ADGRV1: variants seen among roughly 807,000 people sequenced by gnomAD.
ADGRV1 encodes adhesion G protein-coupled receptor V1.
ADGRV1 carries 359 observed loss-of-function variants against 596.2 expected under a neutral mutation model. That is an observed-to-expected ratio of 0.60 (90% CI 0.55 to 0.66). The LOEUF (loss-of-function observed/expected upper bound fraction) is 0.66, where lower values mean the gene tolerates loss of function less well. ADGRV1 is among the 30% of genes least tolerant of loss of function. The probability of loss-of-function intolerance (pLI) is 0.00; values close to 1 mark genes in which losing one functional copy is unlikely to be tolerated. For synonymous variants in ADGRV1, 2,681 were observed against 2,679.2 expected, an observed-to-expected ratio of 1.00 and a Z score of -0.02; for missense variants, 7,274 against 7,575.6, an observed-to-expected ratio of 0.96 and a Z score of 1.48.
At chr5:91,131,658 G>T (rs1052191909) in intron 87 of ADGRV1, among the ~76,000 whole-genome samples, 2 of 151,874 alleles carry the variant, frequency 1.3e-5, no homozygotes, top group African/African-American at 2.4e-5. Flanking sequence ...TTTTTCTGTT[G>T]ATTTGTTTAA....
In ADGRV1 at chr5:90,696,964, C is replaced by A; in HGVS notation, c.7973C>A (p.Thr2658Asn). ...GAAACCAAAAAGACAGTCATTTTAA[C>A]CATCTTGGATGACTCTGAACCAGAG... The part of the protein sequence containing the change: ...EGETKKTVIL[T>N]ILDDSEPEDD... The change falls in exon 34 of 90, where the codon ACC (threonine) becomes AAC (asparagine). Residue 2658 changes from threonine (T) to asparagine (N), a missense_variant. Around this residue, in one of 5 missense-constraint regions of ADGRV1, gnomAD observed 3,643 missense variants for 3,809.2 expected, o/e 0.96. Coordinates refer to ENST00000405460, the MANE Select transcript of ADGRV1 (RefSeq NM_032119.4). 2 of 1,610,654 alleles carry A rather than the reference C, an allele frequency of 1.2e-6. No homozygotes were observed. The highest frequency in any genetic ancestry group is 2.2e-5 in the South Asian group (2 of 90,484).
At chr5:90,660,424 T>C (rs916900342) in intron 21 of ADGRV1, among the ~76,000 whole-genome samples, 1 of 152,240 alleles carries the variant, frequency 6.6e-6, no homozygotes, top group African/African-American at 2.4e-5. Context: ...AATTATCTTC[T>C]GAGTTCAAAT....
At chr5:91,007,990 T>A (rs1782418414) in intron 85 of ADGRV1, among the ~76,000 whole-genome samples, 1 of 152,216 alleles carries the variant, frequency 6.6e-6, no homozygotes, top group East Asian at 1.9e-4. Flanking sequence ...GTTATTATTC[T>A]ATGTTATTCT....
chr5:90,667,586 C>T (rs1343829837), intron 21 of ADGRV1, among the ~76,000 whole-genome samples: 8 of 149,854 alleles, frequency 5.3e-5, no homozygotes, highest in Non-Finnish European at 1.0e-4. Flanking sequence ...GTAATTTGAT[C>T]GTCTGAAGCC....
intron 85 of ADGRV1, among the ~76,000 whole-genome samples, chr5:91,049,684 T>A (rs2151302650): frequency 6.6e-6 from 1 of 152,294 alleles, no homozygotes; most frequent in Non-Finnish European, 1.5e-5. Flanking sequence ...TGAAATGAAT[T>A]TTCATAAGAA....
chr5:90,972,511 C>A (rs1052544593), intron 84 of ADGRV1, among the ~76,000 whole-genome samples: 1 of 152,098 alleles, frequency 6.6e-6, no homozygotes, highest in African/African-American at 2.4e-5. Flanking sequence ...TCTCTCAGAC[C>A]ACAGTGCAAT....
At chr5:90,683,468 T>A in intron 27 of ADGRV1, 118 bp from the exon 28 acceptor site, 1 of 796,546 alleles carries the variant, frequency 1.3e-6, no homozygotes, top group East Asian at 2.7e-5. Context: ...AGTCTTGTAG[T>A]CTGGAGAAGA....
Position 90,649,461 on chromosome 5 carries a change from A to G in ADGRV1, c.3289+1697A>G, listed in dbSNP as rs1234013058. Among the ~76,000 whole-genome samples the G allele has an allele frequency of 2.6e-5, 4 of 152,078 alleles. No homozygotes were observed. The East Asian group carries it at 5.8e-4, about 22-fold the overall frequency. On this transcript the variant is annotated intron_variant, in intron 17 of 89. Transcript: ENST00000405460. ...ATAGTGAATGAATCAAAACATCCTG[A>G]ACCTTTTGTAAAGAGTAGGGGAACT...
Position 90,653,343 on chromosome 5 carries a change from G to A in ADGRV1, c.3769G>A (p.Val1257Ile), listed in dbSNP as rs1326438481. 5 of 1,613,808 alleles carry A rather than the reference G, an allele frequency of 3.1e-6. No homozygotes were observed. The highest frequency in any genetic ancestry group is 1.1e-5 in the South Asian group (1 of 91,084). ...ECLEREVAEDVLSEDDMSYIT... is the reference protein window; with the variant it reads ...ECLEREVAEDILSEDDMSYIT... Reference sequence around the variant, plus strand: ...TTTAGAGAGAGAAGTGGCAGAAGATGTCCTGTCTGAAGATGATATGTCTTA... The same window carrying A: ...TTTAGAGAGAGAAGTGGCAGAAGATATCCTGTCTGAAGATGATATGTCTTA... Residue 1257 changes from valine (V) to isoleucine (I), a missense_variant, in exon 20 of 90, where the codon GTC becomes ATC. Physicochemically the swap from Val to Ile is conservative, Grantham distance 29. This residue lies in a region of ADGRV1 where 1,715 missense variants were observed against 1,708.8 expected (regional missense o/e 1.00). Transcript: ENST00000405460.
intron 43 of ADGRV1, 101 bp downstream of exon 43, chr5:90,716,830 A>G (rs1750172771): frequency 1.2e-6 from 1 of 816,836 alleles, no homozygotes; most frequent in Non-Finnish European, 1.9e-6. Flanking sequence ...AAAAAACAAT[A>G]CTTCCAGCTT....
At chr5:91,108,795 C>T (rs1792116768) in intron 87 of ADGRV1, among the ~76,000 whole-genome samples, 1 of 152,040 alleles carries the variant, frequency 6.6e-6, no homozygotes. Flanking sequence ...CAAGGTTTCA[C>T]TATGTTGCCT....
Position 90,853,311 on chromosome 5 carries a change from A to G in ADGRV1, c.17232A>G (p.Pro5744=), listed in dbSNP as rs1276430225. The change falls in exon 80 of 90, where the codon CCA becomes CCG. Residue 5744 remains proline (P), a synonymous_variant. Coordinates refer to ENST00000405460, the MANE Select transcript of ADGRV1 (RefSeq NM_032119.4). ...GCAAAACCATCCTTGATAGTTGCCC[A>G]TATTTGTCAATATTGGCTCTTCACT... The part of the protein sequence containing the change: ...EKSKTILDSC[P]YLSILALHWY... The G allele has an allele frequency of 5.6e-6, 9 of 1,610,694 alleles. No homozygotes were observed. The highest frequency in any genetic ancestry group is 1.3e-5 in the African/African-American group (1 of 74,950).
rs762868187 is a variant in ADGRV1, at chr5:90,627,541, C to T, written c.1003C>T (p.Pro335Ser). 3.1e-6 allele frequency: 5 copies of T among 1,613,684 alleles called. No individual in the cohort carries two copies. Among genetic ancestry groups the T allele is most frequent in the Non-Finnish European group, 3.4e-6 (4 of 1,179,760 alleles). ...LQPNTTVVFP[P>S]FIHESHLKFQ... ...GCCAAACACAACTGTTGTTTTTCCACCTTTTATTCATGAATCTCACTTGAA... is the reference window on the plus strand; with the variant it reads ...GCCAAACACAACTGTTGTTTTTCCATCTTTTATTCATGAATCTCACTTGAA... Residue 335 changes from proline (P) to serine (S), a missense_variant, in exon 7 of 90, where the codon CCT becomes TCT. Coordinates refer to ENST00000405460, the MANE Select transcript of ADGRV1 (RefSeq NM_032119.4).
intron 87 of ADGRV1, among the ~76,000 whole-genome samples, chr5:91,121,834 G>C (rs957771997): frequency 5.3e-5 from 8 of 152,182 alleles, no homozygotes; most frequent in African/African-American, 1.7e-4. Flanking sequence ...TTTGTGTCTG[G>C]AAAGAGTTGA....
At chr5:90,611,075 A>G (rs1014243239) in intron 1 of ADGRV1, among the ~76,000 whole-genome samples, 1 of 151,748 alleles carries the variant, frequency 6.6e-6, no homozygotes, top group Non-Finnish European at 1.5e-5. Flanking sequence ...GCCAAGGAAC[A>G]TATTTTAAGT....
intron 83 of ADGRV1, among the ~76,000 whole-genome samples, chr5:90,864,851 CTA>C (rs1459149133): frequency 6.6e-6 from 1 of 152,062 alleles, no homozygotes; most frequent in Non-Finnish European, 1.5e-5. Context: ...AGACAATACT[CTA>C]TTGATTGGGT....
chr5:90,720,174 C>T lies in ADGRV1; in HGVS notation c.9574C>T (p.Gln3192Ter). Reference protein sequence around the residue: ...VHVQTLITVLQNQAPLGLFSI... With the variant: ...VHVQTLITVL Reference sequence around the variant, plus strand: ...TGTTCAAACCCTGATAACAGTTTTGCAAAACCAGGCCCCTTTGGGGCTATT... The same window carrying T: ...TGTTCAAACCCTGATAACAGTTTTGTAAAACCAGGCCCCTTTGGGGCTATT... The change falls in exon 44 of 90, where the codon CAA becomes TAA. Residue 3192 changes from glutamine (Q) to a stop codon, truncating the protein, a stop_gained. Coordinates refer to ENST00000405460, the MANE Select transcript of ADGRV1 (RefSeq NM_032119.4). LOFTEE classifies it high-confidence loss of function. 6.2e-7 allele frequency: 1 copy of T among 1,607,942 alleles called. No individual in the cohort carries two copies. The highest frequency in any genetic ancestry group is 8.5e-7 in the Non-Finnish European group (1 of 1,177,192).
chr5:90,787,486 A>G (rs1759577236), intron 67 of ADGRV1, among the ~76,000 whole-genome samples: 1 of 151,962 alleles, frequency 6.6e-6, no homozygotes, highest in African/African-American at 2.4e-5. Context: ...ACGTATTTTA[A>G]TATAGATTTT....
chr5:90,670,073 A>G (rs572702891), intron 21 of ADGRV1, among the ~76,000 whole-genome samples: 1 of 152,308 alleles, frequency 6.6e-6, no homozygotes, highest in East Asian at 1.9e-4. Flanking sequence ...TTATGATGTC[A>G]ATCTCATCTT....
Sources: gnomAD v4.1 joint callset for allele counts (sites outside exome capture counted in the v4.1 genomes callset) on GRCh38, gnomAD v4.1.1 for gene constraint, gnomAD v4.1.1 regional missense constraint, MANE v1.5 for transcripts, NCBI Gene and HGNC (gene_info 2026-07-23, HGNC 2026-07-21) for gene names.